KDM7A: variants seen among roughly 807,000 people sequenced by gnomAD.
KDM7A encodes the protein lysine-specific demethylase 7A.
Under a neutral mutation model 114.8 loss-of-function variants are expected in KDM7A, and 28 were observed. The observed-to-expected ratio is 0.24, with a 90% CI of 0.18 to 0.33. The LOEUF (loss-of-function observed/expected upper bound fraction) is 0.33. KDM7A is among the 10% of genes least tolerant of loss of function. KDM7A has a pLI of 1.00. For synonymous variants in KDM7A, 423 were observed against 397.8 expected, an observed-to-expected ratio of 1.06 and a Z score of -0.75; for missense variants, 942 against 1,142.5, an observed-to-expected ratio of 0.82 and a Z score of 2.53.
At chr7:140,147,792 C>A (rs925914904) in intron 1 of KDM7A, among the ~76,000 whole-genome samples, 1 of 152,174 alleles carries the variant, frequency 6.6e-6, no homozygotes, top group Non-Finnish European at 1.5e-5. Context: ...CAGTCTACTA[C>A]CTCCATGACA....
At chr7:140,128,258 A>G (rs1050413585) in intron 4 of KDM7A, among the ~76,000 whole-genome samples, 27 of 152,240 alleles carry the variant, frequency 1.8e-4, no homozygotes, top group African/African-American at 6.3e-4. Context: ...GCACTGCTAC[A>G]CTAGGAAGCA....
In KDM7A at chr7:140,084,962, C is replaced by T. The variant is rs984099612; in HGVS notation, c.*6132G>A. 6.6e-6 allele frequency: 1 copy of T among 152,164 alleles called. No individual in the cohort carries two copies. Among genetic ancestry groups the T allele is most frequent in the African/African-American group, 2.4e-5 (1 of 41,420 alleles). 9.4% of individuals were successfully genotyped at this position (152,164 alleles called of 1,614,324 possible). The stretch of plus-strand genomic sequence containing the variant: ...GTCACTTGTCCTCCCCTATAATAAT[C>T]AATGTAAGCTACTTAAAGACTTACA... On this transcript the variant is annotated 3_prime_UTR_variant, in exon 20 of 20. Transcript: ENST00000397560.
intron 1 of KDM7A, among the ~76,000 whole-genome samples, chr7:140,161,494 T>G (rs1004831577): frequency 6.6e-6 from 1 of 152,188 alleles, no homozygotes; most frequent in African/African-American, 2.4e-5. Context: ...CCAGGTCACA[T>G]CTCCATGACC....
At chr7:140,175,759 G>A (rs1052026429) in intron 1 of KDM7A, among the ~76,000 whole-genome samples, 1 of 151,920 alleles carries the variant, frequency 6.6e-6, no homozygotes, top group African/African-American at 2.4e-5. Context: ...AGAGGGCAGC[G>A]TCCGCCGCCG....
At chr7:140,171,966 T>C (rs1158802966) in intron 1 of KDM7A, among the ~76,000 whole-genome samples, 1 of 152,222 alleles carries the variant, frequency 6.6e-6, no homozygotes, top group Non-Finnish European at 1.5e-5. Context: ...TGAAAAATGC[T>C]GCCATGAACA....
chr7:140,148,108 A>G (rs568975636), intron 1 of KDM7A, among the ~76,000 whole-genome samples: 1 of 152,270 alleles, frequency 6.6e-6, no homozygotes, highest in South Asian at 2.1e-4. Context: ...CGTATTAGCT[A>G]CGAGGTTTGA....
intron 5 of KDM7A, 38 bp from the exon 6 acceptor site, chr7:140,126,861 G>A: frequency 1.4e-6 from 2 of 1,437,246 alleles, no homozygotes; most frequent in Non-Finnish European, 1.9e-6. Flanking sequence ...CCCACATCAT[G>A]CAAATTAAAA....
intron 1 of KDM7A, among the ~76,000 whole-genome samples, chr7:140,149,418 C>T (rs765090981): frequency 7.2e-5 from 11 of 152,110 alleles, no homozygotes; most frequent in Non-Finnish European, 1.5e-4. Context: ...TACAAATAAG[C>T]ACAAATCATT....
At chr7:140,144,611 G>C (rs1202103070) in intron 1 of KDM7A, among the ~76,000 whole-genome samples, 3 of 152,006 alleles carry the variant, frequency 2.0e-5, no homozygotes, top group Admixed American at 6.6e-5. Context: ...AATATAAAAG[G>C]GGTGATCTGT....
intron 2 of KDM7A, among the ~76,000 whole-genome samples, chr7:140,138,242 A>G (rs1336439169): frequency 6.6e-6 from 1 of 152,146 alleles, no homozygotes; most frequent in Non-Finnish European, 1.5e-5. Flanking sequence ...CAGGAAGTCA[A>G]GGCTGCAGTG....
intron 1 of KDM7A, among the ~76,000 whole-genome samples, chr7:140,142,059 TATAAAAG>T (rs897648120): frequency 4.5e-4 from 66 of 147,424 alleles, no homozygotes; most frequent in African/African-American, 1.6e-3. Context: ...ATCATATATA[TATAAAAG>T]ATATTTATAT....
intron 17 of KDM7A, 121 bp downstream of exon 17, chr7:140,096,431 CCTT>C: frequency 3.9e-6 from 3 of 759,690 alleles, no homozygotes; most frequent in Non-Finnish European, 6.4e-6. Context: ...TTTTGGTCAA[CCTT>C]CTTAACACAT....
intron 6 of KDM7A, among the ~76,000 whole-genome samples, chr7:140,125,530 G>A (rs1307397939): frequency 6.6e-6 from 1 of 152,206 alleles, no homozygotes; most frequent in African/African-American, 2.4e-5. Flanking sequence ...TGCAGCTCTA[G>A]ATAAAGCAAG....
chr7:140,168,652 TAA>T (rs973443333), intron 1 of KDM7A, among the ~76,000 whole-genome samples: 6 of 152,110 alleles, frequency 3.9e-5, no homozygotes, highest in Non-Finnish European at 8.8e-5. Flanking sequence ...TGACATACAT[TAA>T]AGTCAGGTGA....
intron 13 of KDM7A, among the ~76,000 whole-genome samples, 174 bp downstream of exon 13, chr7:140,099,725 C>A (rs962737265): frequency 6.6e-6 from 1 of 152,128 alleles, no homozygotes; most frequent in Non-Finnish European, 1.5e-5. Flanking sequence ...GAATCTAATG[C>A]CTGATGATAT....
chr7:140,091,545 GTCTAT>G (rs1818020616), intron 19 of KDM7A, among the ~76,000 whole-genome samples: 1 of 152,152 alleles, frequency 6.6e-6, no homozygotes, highest in African/African-American at 2.4e-5. Flanking sequence ...CTTCAAAGCT[GTCTAT>G]TCTGTCACTT....
chr7:140,099,801 G>A, intron 13 of KDM7A, 98 bp downstream of exon 13: 1 of 1,141,408 alleles, frequency 8.8e-7, no homozygotes, highest in African/African-American at 1.5e-5. Flanking sequence ...CACAAAACCG[G>A]TCCCTGGTGC....
Position 140,142,055 on chromosome 7 carries a change from T to C in KDM7A, c.195-2865A>G, listed in dbSNP as rs1037872356. ...ATTAAAAAGATATTTATATATCATA[T>C]ATATATAAAAGATATTTATATATCT... On this transcript the variant is annotated intron_variant, in intron 1 of 19. Transcript: ENST00000397560. 6.8e-5 allele frequency among the ~76,000 whole-genome samples: 10 copies of C among 147,330 alleles called. No homozygotes were observed. The South Asian group carries it at 2.1e-3, about 31-fold the overall frequency.
chr7:140,119,312 A>C (rs1261957571), intron 8 of KDM7A, 93 bp from the exon 9 acceptor site: 2 of 641,806 alleles, frequency 3.1e-6, no homozygotes, highest in Non-Finnish European at 5.4e-6. Context: ...CCAGGTCATG[A>C]TATGTAAGAC....
Sources: allele counts gnomAD v4.1 joint callset (sites outside exome capture counted in the v4.1 genomes callset), GRCh38; gene constraint gnomAD v4.1.1; transcripts MANE v1.5; gene names NCBI Gene and HGNC (gene_info 2026-07-23, HGNC 2026-07-21).